Variants in LHCGR observed in about 807,000 individuals in gnomAD.
LHCGR encodes the protein lutropin-choriogonadotropic hormone receptor.
A neutral mutation model predicts 60.7 loss-of-function variants in LHCGR; 55 were observed. The ratio of observed to expected loss-of-function variants is 0.91; its 90% CI spans 0.73 to 1.13. The LOEUF (loss-of-function observed/expected upper bound fraction) is 1.13, where lower values mean the gene tolerates loss of function less well. Ranked by LOEUF, LHCGR falls within the 50% of genes most tolerant of loss-of-function variation. LHCGR has a pLI of 0.00. For synonymous variants in LHCGR, 337 were observed against 316.5 expected (o/e 1.06, Z -0.69); for missense variants, 862 against 836.0 (o/e 1.03, Z -0.38).
At chr2:48,737,998 T>C (rs1441105417) in intron 1 of LHCGR, among the ~76,000 whole-genome samples, 1 of 152,220 alleles carries the variant, frequency 6.6e-6, no homozygotes, top group East Asian at 1.9e-4. Context: ...CCTCCAACAA[T>C]CAAGTCACAT....
intron 7 of LHCGR, among the ~76,000 whole-genome samples, chr2:48,711,700 A>G (rs1310746846): frequency 6.6e-6 from 1 of 151,746 alleles, no homozygotes; most frequent in African/African-American, 2.4e-5. Flanking sequence ...TCTCTTGCTC[A>G]TCTTGTTTCC....
At chr2:48,725,289 C>T (rs1235102752) in intron 4 of LHCGR, among the ~76,000 whole-genome samples, 11 of 152,092 alleles carry the variant, frequency 7.2e-5, no homozygotes, top group African/African-American at 1.4e-4. Context: ...ACTCTTAACC[C>T]GTGATGAGAG....
intron 9 of LHCGR, among the ~76,000 whole-genome samples, chr2:48,696,047 T>G (rs561886362): frequency 1.3e-4 from 20 of 151,670 alleles, no homozygotes; most frequent in Admixed American, 3.9e-4. Context: ...ACAGAGGAGG[T>G]CTACAGAAAA....
chr2:48,753,955 A>G (rs1259482501), intron 1 of LHCGR, among the ~76,000 whole-genome samples: 2 of 152,162 alleles, frequency 1.3e-5, no homozygotes, highest in Non-Finnish European at 2.9e-5. Context: ...TTCTCCTTGG[A>G]TCTCAGTTTC....
rs1480428533 is a variant in LHCGR, at chr2:48,688,955, T to C, written c.948-106A>G. 3 of 967,290 alleles carry C rather than the reference T, an allele frequency of 3.1e-6. No homozygotes were observed. Among genetic ancestry groups the C allele is most frequent in the Non-Finnish European group, 4.8e-6 (3 of 621,788 alleles). The allele number at this position is 967,290 out of a possible 1,614,324, so 59.9% of individuals were successfully genotyped here. A position where few individuals can be genotyped will look rare whatever the true frequency, so the allele number is the denominator to read the frequency against. Reference sequence around the variant, plus strand: ...AAAGAAACAAAAGGAAACAAAGCCATAATAGCCTCAGCCTTACATTTATTT... The same window carrying C: ...AAAGAAACAAAAGGAAACAAAGCCACAATAGCCTCAGCCTTACATTTATTT... On this transcript the variant is annotated intron_variant, in intron 10 of 10. Coordinates refer to ENST00000294954, the MANE Select transcript of LHCGR (RefSeq NM_000233.4). This position sits in a 1 kb window ranked among gnomAD's most constrained non-coding sequence, Gnocchi z 5.2.
chr2:48,752,997 T>TGGGGGGGGGGGGGGGGGGGGGGG (rs1558909396), intron 1 of LHCGR, among the ~76,000 whole-genome samples: 2 of 18,436 alleles, frequency 1.1e-4, no homozygotes, highest in African/African-American at 3.0e-4. Context: ...GGGGGGGGGG[T>TGGGGGGGGGGGGGGGGGGGGGGG]GGGGAAGGGA....
intron 10 of LHCGR, among the ~76,000 whole-genome samples, chr2:48,689,251 C>G (rs1489120045): frequency 1.3e-5 from 2 of 151,848 alleles, no homozygotes; most frequent in Admixed American, 6.6e-5. Flanking sequence ...AAGCTCTTTA[C>G]AAAGGATGAC....
intron 6 of LHCGR, among the ~76,000 whole-genome samples, chr2:48,716,759 G>A (rs755398620): frequency 6.6e-6 from 1 of 152,070 alleles, no homozygotes; most frequent in Non-Finnish European, 1.5e-5. Context: ...TTCCTTTATA[G>A]CAGTCTCTTT....
intron 9 of LHCGR, among the ~76,000 whole-genome samples, chr2:48,695,503 A>G (rs1667071960): frequency 6.6e-6 from 1 of 152,158 alleles, no homozygotes; most frequent in Non-Finnish European, 1.5e-5. Context: ...GGAGATTTCT[A>G]AAAGAACTTA....
intron 2 of LHCGR, among the ~76,000 whole-genome samples, chr2:48,730,035 A>G (rs1399694570): frequency 2.6e-5 from 4 of 152,128 alleles, no homozygotes; most frequent in Non-Finnish European, 4.4e-5. Context: ...TAAAATCCCA[A>G]CATACGCTAC....
intron 6 of LHCGR, among the ~76,000 whole-genome samples, chr2:48,718,868 A>G (rs1157183379): frequency 6.6e-6 from 1 of 152,202 alleles, no homozygotes; most frequent in South Asian, 2.1e-4. Flanking sequence ...CATAGTCTCT[A>G]TAGCAATGGA....
intron 10 of LHCGR, among the ~76,000 whole-genome samples, chr2:48,693,727 A>T (rs1666974817): frequency 6.6e-6 from 1 of 152,214 alleles, no homozygotes; most frequent in East Asian, 1.9e-4. Context: ...AGTAAAACAG[A>T]GATGTAGCTT....
At chr2:48,704,192 T>A (rs1375144039) in intron 8 of LHCGR, among the ~76,000 whole-genome samples, 1 of 152,218 alleles carries the variant, frequency 6.6e-6, no homozygotes, top group African/African-American at 2.4e-5. Flanking sequence ...GGATTACATT[T>A]ATTGATTTGC....
chr2:48,750,524 A>T (rs1181110090), intron 1 of LHCGR, among the ~76,000 whole-genome samples: 3 of 152,218 alleles, frequency 2.0e-5, no homozygotes, highest in African/African-American at 7.2e-5. Context: ...ACATAACACA[A>T]ATAACTCCCT....
chr2:48,689,950 G>A (rs2177485), intron 10 of LHCGR, among the ~76,000 whole-genome samples: 133,017 of 152,132 alleles, frequency 0.87, 58,481 homozygotes, highest in East Asian at 0.99. Flanking sequence ...TCCTGACCTC[G>A]TGATCTGCCC....
intron 8 of LHCGR, among the ~76,000 whole-genome samples, chr2:48,701,357 G>A (rs1479527384): frequency 1.3e-5 from 2 of 151,852 alleles, no homozygotes; most frequent in Non-Finnish European, 2.9e-5. Context: ...TCTCTGCCAC[G>A]TCTCTGTCCT....
At chr2:48,743,133 A>G (rs1330223182) in intron 1 of LHCGR, among the ~76,000 whole-genome samples, 2 of 152,252 alleles carry the variant, frequency 1.3e-5, no homozygotes, top group Non-Finnish European at 2.9e-5. Context: ...CTTTTCCAAG[A>G]CTAAACCAGG....
Position 48,688,273 on chromosome 2 carries a change from G to T in LHCGR, c.1524C>A (p.Tyr508Ter). Residue 508 changes from tyrosine (Y) to a stop codon, truncating the protein, a stop_gained, in exon 11 of 11, where the codon TAC becomes TAA. Coordinates refer to ENST00000294954, the MANE Select transcript of LHCGR (RefSeq NM_000233.4). LOFTEE classifies it high-confidence loss of function. This position sits in a 1 kb window ranked among gnomAD's most constrained non-coding sequence, Gnocchi z 5.2. ...TGGGGAAGCAAATACTGACCTTCAT[G>T]TAATTGCTGACACCGACAAGGGGCA... Reference protein sequence around the residue: ...AMLPLVGVSNYMKVSICFPMD... With the variant: ...AMLPLVGVSN The T allele has an allele frequency of 1.3e-5, 21 of 1,614,146 alleles. No individual in the cohort carries two copies. The highest frequency in any genetic ancestry group is 1.7e-5 in the Non-Finnish European group (20 of 1,179,996).
rs146990826 is a variant in LHCGR, at chr2:48,737,662, G to A, written c.162-6364C>T. On this transcript the variant is annotated intron_variant, in intron 1 of 10. Coordinates refer to ENST00000294954, the MANE Select transcript of LHCGR (RefSeq NM_000233.4). ...ATTGTCTTCAGCATTTACCTAGAGG[G>A]AGCTGAGGCTTCAGTGTTAACTGAA... 1.8e-3 allele frequency among the ~76,000 whole-genome samples: 281 copies of A among 152,346 alleles called. 1 individual carries two copies. The highest frequency in any genetic ancestry group is 6.5e-3 in the African/African-American group (271 of 41,574).
Sources: allele counts gnomAD v4.1 joint callset (sites outside exome capture counted in the v4.1 genomes callset), GRCh38; gene constraint gnomAD v4.1.1; non-coding constraint Gnocchi (gnomAD v3.1); transcripts MANE v1.5; gene names NCBI Gene and HGNC (gene_info 2026-07-23, HGNC 2026-07-21).